The following CLPB variants were observed in gnomAD, a reference collection of about 807,000 sequenced individuals.
CLPB encodes mitochondrial disaggregase.
In CLPB, 40 loss-of-function variants were observed where a neutral mutation model predicts 78.4. The observed-to-expected ratio is 0.51, with a 90% CI of 0.40 to 0.66. CLPB has a LOEUF of 0.66. CLPB is among the 30% of genes least tolerant of loss of function. The pLI, the probability that CLPB is intolerant of heterozygous loss-of-function variation, is 0.00. For missense variants in CLPB, 780 were observed against 886.9 expected (o/e 0.88, Z 1.53); for synonymous variants, 333 against 348.0 (o/e 0.96, Z 0.48).
chr11:72,358,225 T>C (rs1446175989), intron 5 of CLPB, among the ~76,000 whole-genome samples: 4 of 152,218 alleles, frequency 2.6e-5, no homozygotes, highest in African/African-American at 9.7e-5. Flanking sequence ...CATTGATTTA[T>C]TGAGTGCTTA....
intron 4 of CLPB, among the ~76,000 whole-genome samples, chr11:72,365,360 G>T (rs920861584): frequency 6.6e-6 from 1 of 152,160 alleles, no homozygotes; most frequent in Non-Finnish European, 1.5e-5. Flanking sequence ...TTAATGTCCA[G>T]ATTAGGCAAA....
At chr11:72,430,205 C>A in intron 2 of CLPB, 107 bp downstream of exon 2, 1 of 1,060,234 alleles carries the variant, frequency 9.4e-7, no homozygotes, top group Non-Finnish European at 1.4e-6. Flanking sequence ...GGGACAGTTC[C>A]CAGCTTAGGG....
At chr11:72,368,810 T>C (rs1950990487) in intron 4 of CLPB, among the ~76,000 whole-genome samples, 1 of 152,192 alleles carries the variant, frequency 6.6e-6, no homozygotes, top group East Asian at 1.9e-4. Context: ...GTCAAGTAGG[T>C]TGGCCGATGG....
At position 72,292,436 on chromosome 11, in the gene CLPB, C is replaced by A. The variant is rs553207141; in HGVS notation, c.*931G>T. 2.0e-5 allele frequency: 3 copies of A among 152,330 alleles called. No individual in the cohort carries two copies. Among genetic ancestry groups the A allele is most frequent in the Non-Finnish European group, 4.4e-5 (3 of 68,058 alleles). The allele number at this position is 152,330 out of a possible 1,614,324, so 9.4% of individuals were successfully genotyped here. A position where few individuals can be genotyped will look rare whatever the true frequency, so the allele number is the denominator to read the frequency against. On this transcript the variant is annotated 3_prime_UTR_variant, in exon 16 of 16. Coordinates refer to ENST00000538039, the MANE Select transcript of CLPB (RefSeq NM_001258392.3). ...TCCAGACCCTCTGCTTTGTGACTAA[C>A]ATGCAGACTGAATAAACTGCATGTT... is the stretch of plus-strand genomic sequence containing the variant.
intron 6 of CLPB, among the ~76,000 whole-genome samples, chr11:72,325,092 G>A (rs539308455): frequency 2.4e-4 from 36 of 151,986 alleles, no homozygotes; most frequent in Non-Finnish European, 4.0e-4. Flanking sequence ...AGGCTGGCAC[G>A]AGCACGTTCC....
At chr11:72,310,648 G>A (rs559597793) in intron 7 of CLPB, among the ~76,000 whole-genome samples, 36 of 152,308 alleles carry the variant, frequency 2.4e-4, no homozygotes, top group African/African-American at 7.7e-4. Context: ...GAAAGGAGCC[G>A]TGTTCTTCTA....
intron 1 of CLPB, among the ~76,000 whole-genome samples, chr11:72,433,532 C>T (rs1246938392): frequency 6.7e-6 from 1 of 148,868 alleles, no homozygotes. Flanking sequence ...GAGCAAGACT[C>T]CATCTCAGAA....
intron 11 of CLPB, among the ~76,000 whole-genome samples, chr11:72,296,845 G>A (rs1949560143): frequency 6.6e-6 from 1 of 152,140 alleles, no homozygotes; most frequent in Non-Finnish European, 1.5e-5. Flanking sequence ...GGAGGTAGGT[G>A]CAGTTAGGAC....
chr11:72,359,014 G>T lies in CLPB; in HGVS notation c.647-6C>A. The stretch of plus-strand genomic sequence containing the variant: ...ATCCTCTCGGGTGATCAGGACTGGG[G>T]AGACAGCAACACAAACCCTTCCATT... On this transcript the variant is annotated splice_polypyrimidine_tract_variant and splice_region_variant and intron_variant, in intron 4 of 15. Transcript: ENST00000538039. The T allele has an allele frequency of 6.2e-7, 1 of 1,613,512 alleles. No individual in the cohort carries two copies. Among genetic ancestry groups the T allele is most frequent in the Non-Finnish European group, 8.5e-7 (1 of 1,179,962 alleles).
intron 6 of CLPB, among the ~76,000 whole-genome samples, chr11:72,329,334 G>A (rs772074587): frequency 4.6e-5 from 7 of 152,158 alleles, no homozygotes; most frequent in Non-Finnish European, 1.0e-4. Flanking sequence ...TGAGGCCTAG[G>A]AAAAATATGA....
chr11:72,380,446 AG>A, intron 3 of CLPB, 62 bp from the exon 4 acceptor site: 1 of 1,307,776 alleles, frequency 7.6e-7, no homozygotes, highest in Non-Finnish European at 1.1e-6. Flanking sequence ...GTACAGACCC[AG>A]ATCCGGAAGC....
intron 5 of CLPB, chr11:72,351,291 C>G (rs1950610307): frequency 6.6e-6 from 1 of 152,170 alleles, no homozygotes; most frequent in African/African-American, 2.4e-5. Flanking sequence ...ATATTTGTCC[C>G]AGAATGTCTA....
intron 5 of CLPB, among the ~76,000 whole-genome samples, chr11:72,353,663 A>C (rs925017942): frequency 6.6e-6 from 1 of 152,224 alleles, no homozygotes; most frequent in Admixed American, 6.5e-5. Context: ...ACCTTGGTCT[A>C]GTAAGTGAGA....
chr11:72,402,903 G>T, intron 3 of CLPB, 63 bp downstream of exon 3: 2 of 1,391,110 alleles, frequency 1.4e-6, no homozygotes, highest in Non-Finnish European at 1.0e-6. Context: ...GTGGGAGAGT[G>T]CTCAGGAGCA....
intron 2 of CLPB, among the ~76,000 whole-genome samples, chr11:72,418,569 C>G (rs1856093421): frequency 6.6e-6 from 1 of 152,192 alleles, no homozygotes; most frequent in Non-Finnish European, 1.5e-5. Flanking sequence ...AAGAAATCCA[C>G]TTGAAGGCCA....
chr11:72,357,700 GAAAAAA>G (rs747456359), intron 5 of CLPB, among the ~76,000 whole-genome samples: 65 of 43,876 alleles, frequency 1.5e-3, no homozygotes, highest in African/African-American at 4.6e-3. Flanking sequence ...CCGTGTCCCA[GAAAAAA>G]AAAAAAAAAA....
intron 7 of CLPB, among the ~76,000 whole-genome samples, chr11:72,309,092 G>A (rs1464390060): frequency 1.3e-5 from 2 of 152,146 alleles, no homozygotes; most frequent in African/African-American, 2.4e-5. Context: ...GCTAAGGTCT[G>A]GTCCACTGTC....
intron 5 of CLPB, among the ~76,000 whole-genome samples, chr11:72,355,755 T>A (rs1950700866): frequency 6.6e-6 from 1 of 152,182 alleles, no homozygotes; most frequent in Non-Finnish European, 1.5e-5. Context: ...TGTCTGAATC[T>A]CCTCCCAGCT....
At chr11:72,351,538 T>C (rs1209145718) in intron 5 of CLPB, 1 of 152,216 alleles carries the variant, frequency 6.6e-6, no homozygotes, top group Non-Finnish European at 1.5e-5. Context: ...GTGGCACATT[T>C]GGGGCTATAT....
Sources: gnomAD v4.1 joint callset for allele counts (sites outside exome capture counted in the v4.1 genomes callset) on GRCh38, gnomAD v4.1.1 for gene constraint, MANE v1.5 for transcripts, NCBI Gene and HGNC (gene_info 2026-07-23, HGNC 2026-07-21) for gene names.